The following RHCE variants were observed in gnomAD, a reference collection of about 807,000 sequenced individuals.
RHCE encodes the protein blood group Rh(CE) polypeptide.
In RHCE, 22 loss-of-function variants were observed where a neutral mutation model predicts 43.8. The observed-to-expected ratio is 0.50, with a 90% CI of 0.36 to 0.72. The LOEUF is 0.72. Ranked by LOEUF, RHCE falls within the 30% of genes least tolerant of loss-of-function variation. The pLI, the probability that RHCE is intolerant of heterozygous loss-of-function variation, is 0.00. For synonymous variants in RHCE, 156 were observed against 210.7 expected (o/e 0.74, Z 2.25); for missense variants, 385 against 525.4 (o/e 0.73, Z 2.61).
rs1646904013 is a variant in RHCE, at chr1:25,406,001, A to C, written c.335+2682T>G. Among the ~76,000 whole-genome samples the C allele has an allele frequency of 3.2e-5, 4 of 123,096 alleles. 1 individual carries two copies. Among genetic ancestry groups the C allele is most frequent in the African/African-American group, 1.0e-4 (4 of 39,704 alleles). The allele number at this position is 123,096 out of a possible 152,430, so 80.8% of individuals were successfully genotyped here. A position where few individuals can be genotyped will look rare whatever the true frequency, so the allele number is the denominator to read the frequency against. ...AGTCAGGGGTGGAGCAAGGGAGTTC[A>C]CTCAGGCTGCGAGTGACTTCTCTCC... On this transcript the variant is annotated intron_variant, in intron 2 of 9. Coordinates refer to ENST00000294413, the MANE Select transcript of RHCE (RefSeq NM_020485.8).
chr1:25,379,539 C>T (rs1645930222), intron 7 of RHCE, among the ~76,000 whole-genome samples: 1 of 118,072 alleles, frequency 8.5e-6, no homozygotes. Context: ...GGATTTTGCT[C>T]TATCATCCAG....
intron 8 of RHCE, among the ~76,000 whole-genome samples, chr1:25,371,091 G>A (rs1645598619): frequency 6.8e-6 from 1 of 148,114 alleles, no homozygotes; most frequent in Non-Finnish European, 1.5e-5. Context: ...TTGAAAAAAA[G>A]AACTGGGAAT....
At chr1:25,379,521 T>A (rs1248613786) in intron 7 of RHCE, among the ~76,000 whole-genome samples, 4 of 116,274 alleles carry the variant, frequency 3.4e-5, no homozygotes, top group African/African-American at 6.5e-5. Flanking sequence ...TTTTTTTTTT[T>A]AAAGATGGGA....
At chr1:25,372,163 C>T (rs545314744) in intron 8 of RHCE, among the ~76,000 whole-genome samples, 19 of 151,654 alleles carry the variant, frequency 1.3e-4, no homozygotes, top group Non-Finnish European at 2.1e-4. Flanking sequence ...GGTTTGTAGC[C>T]GTGGAGGGTT....
chr1:25,383,008 T>C (rs1646047328), intron 7 of RHCE, among the ~76,000 whole-genome samples: 1 of 152,156 alleles, frequency 6.6e-6, no homozygotes, highest in South Asian at 2.1e-4. Context: ...GTTGCTAAAA[T>C]CTCTCCCAGA....
intron 7 of RHCE, among the ~76,000 whole-genome samples, chr1:25,383,116 C>A (rs1646049930): frequency 6.6e-6 from 1 of 152,180 alleles, no homozygotes; most frequent in Non-Finnish European, 1.5e-5. Context: ...TTTCTTTTCT[C>A]CCTGATGTAA....
chr1:25,418,743 C>T (rs770659749), intron 1 of RHCE, among the ~76,000 whole-genome samples: 2 of 152,214 alleles, frequency 1.3e-5, no homozygotes, highest in Non-Finnish European at 2.9e-5. Context: ...TCCTACTGAG[C>T]CTTCAAGAGC....
chr1:25,380,973 C>G (rs1334837404), intron 7 of RHCE, among the ~76,000 whole-genome samples: 2 of 147,586 alleles, frequency 1.4e-5, no homozygotes, highest in African/African-American at 5.1e-5. Context: ...GCGATCTCGG[C>G]TCACTGCAAG....
chr1:25,386,492 C>T (rs1290000174), intron 6 of RHCE, among the ~76,000 whole-genome samples: 1 of 152,222 alleles, frequency 6.6e-6, no homozygotes, highest in Non-Finnish European at 1.5e-5. Context: ...TTCAGTCAGG[C>T]TGGTTCCTTC....
chr1:25,411,254 G>C, intron 1 of RHCE: 1 of 1,510,256 alleles, frequency 6.6e-7, no homozygotes, highest in East Asian at 2.5e-5. Context: ...ATAATGTTTA[G>C]TACAGTGCCT....
At chr1:25,396,977 G>A (rs1383098587) in intron 3 of RHCE, among the ~76,000 whole-genome samples, 1 of 147,384 alleles carries the variant, frequency 6.8e-6, no homozygotes, top group East Asian at 2.0e-4. Context: ...AACTGGGCAT[G>A]GTGGCATGCC....
At chr1:25,399,599 T>C (rs558660541) in intron 3 of RHCE, among the ~76,000 whole-genome samples, 9 of 152,310 alleles carry the variant, frequency 5.9e-5, no homozygotes, top group African/African-American at 1.9e-4. Flanking sequence ...TCTTAATTCA[T>C]GAATAAAAAC....
chr1:25,411,392 T>C (rs768363702), intron 1 of RHCE: 3 of 1,550,558 alleles, frequency 1.9e-6, no homozygotes, highest in South Asian at 1.2e-5. Flanking sequence ...CTCTCATTAC[T>C]GGAACTCTCC....
intron 7 of RHCE, among the ~76,000 whole-genome samples, chr1:25,381,844 C>G (rs1646012932): frequency 6.6e-6 from 1 of 151,096 alleles, no homozygotes; most frequent in Non-Finnish European, 1.5e-5. Context: ...GTTCCAAAGC[C>G]ACTTCCACAT....
At chr1:25,415,849 C>T (rs1272662531) in intron 1 of RHCE, among the ~76,000 whole-genome samples, 1 of 151,442 alleles carries the variant, frequency 6.6e-6, no homozygotes, top group African/African-American at 2.4e-5. Flanking sequence ...CAGGAATTCT[C>T]GAACTTTCAC....
chr1:25,392,497 G>A lies in RHCE; in HGVS notation c.487-356C>T, dbSNP rs1646405131. 2.0e-5 allele frequency among the ~76,000 whole-genome samples: 3 copies of A among 151,856 alleles called. No homozygotes were observed. In the South Asian group the frequency reaches 6.2e-4, roughly 32 times the overall value. Reference sequence around the variant, plus strand: ...GCTGGTCTCAAACTCCTGACCTCAGGCGATCCACCCGCCTCGGCCTCCCAA... The same window carrying A: ...GCTGGTCTCAAACTCCTGACCTCAGACGATCCACCCGCCTCGGCCTCCCAA... On this transcript the variant is annotated intron_variant, in intron 3 of 9. Transcript: ENST00000294413.
Position 25,390,918 on chromosome 1 carries a change from G to A in RHCE, c.635-3C>T. ...GAACATCCACAAGAAGAGGGCGCCT[G>A]GGGGCCAGAGAGGGTGGTTGGCCAG... On this transcript the variant is annotated splice_region_variant and splice_polypyrimidine_tract_variant and intron_variant, in intron 4 of 9. Coordinates refer to ENST00000294413, the MANE Select transcript of RHCE (RefSeq NM_020485.8). The A allele has an allele frequency of 3.1e-6, 5 of 1,614,164 alleles. No homozygotes were observed. In the South Asian group the frequency reaches 5.5e-5, roughly 18 times the overall value.
At chr1:25,372,577 T>C (rs1369934140) in intron 8 of RHCE, among the ~76,000 whole-genome samples, 1 of 151,588 alleles carries the variant, frequency 6.6e-6, no homozygotes, top group Non-Finnish European at 1.5e-5. Flanking sequence ...ACTTCTAACT[T>C]CTGCTGGTGT....
At chr1:25,383,367 C>T (rs191547011) in intron 7 of RHCE, among the ~76,000 whole-genome samples, 2 of 152,338 alleles carry the variant, frequency 1.3e-5, no homozygotes, top group East Asian at 3.9e-4. Flanking sequence ...ATCCACAGTT[C>T]CCATTAAGTG....
Sources: allele counts gnomAD v4.1 joint callset (sites outside exome capture counted in the v4.1 genomes callset), GRCh38; gene constraint gnomAD v4.1.1; transcripts MANE v1.5; gene names NCBI Gene and HGNC (gene_info 2026-07-23, HGNC 2026-07-21).